Variants in PBLD observed in about 807,000 individuals in gnomAD.
PBLD encodes the protein phenazine biosynthesis-like domain-containing protein.
PBLD carries 26 observed loss-of-function variants against 31.3 expected under a neutral mutation model. The ratio of observed to expected loss-of-function variants is 0.83; its 90% CI spans 0.61 to 1.15. The LOEUF is 1.15. PBLD is among the 50% of genes most tolerant of loss of function. PBLD has a pLI of 0.00. For missense variants in PBLD, 307 were observed against 351.7 expected (o/e 0.87, Z 1.02); for synonymous variants, 114 against 129.0 (o/e 0.88, Z 0.79).
In PBLD at chr10:68,283,056, T is replaced by G. The variant is rs558511398; in HGVS notation, c.*1121A>C. ...AAAGATTGAAATTACATTCCTTTTT[T>G]TTTTTTTAATAGAGACAAGTTCTCG... On this transcript the variant is annotated 3_prime_UTR_variant, in exon 10 of 10. Transcript: ENST00000358769. 8 of 152,292 alleles carry G rather than the reference T, an allele frequency of 5.3e-5. No individual in the cohort carries two copies. In the East Asian group the frequency reaches 1.5e-3, roughly 29 times the overall value. The allele number at this position is 152,292 out of a possible 1,614,324, so 9.4% of individuals were successfully genotyped here.
intron 6 of PBLD, among the ~76,000 whole-genome samples, chr10:68,290,737 T>A (rs563540248): frequency 1.3e-5 from 2 of 152,170 alleles, no homozygotes; most frequent in Non-Finnish European, 2.9e-5. Context: ...AAAGGTTTAA[T>A]TCTTGGCTGG....
intron 9 of PBLD, among the ~76,000 whole-genome samples, chr10:68,284,868 A>G (rs932675403): frequency 2.6e-5 from 4 of 152,212 alleles, no homozygotes; most frequent in Admixed American, 2.0e-4. Flanking sequence ...CTCTCTCCAA[A>G]TCAGGGTCAC....
intron 1 of PBLD, among the ~76,000 whole-genome samples, chr10:68,314,626 C>T (rs2044712447): frequency 6.6e-6 from 1 of 151,618 alleles, no homozygotes; most frequent in South Asian, 2.1e-4. Context: ...GAGACAGAAT[C>T]TCACTCTGTC....
chr10:68,291,937 A>T (rs1403058679), intron 6 of PBLD, 73 bp downstream of exon 6: 7 of 1,435,098 alleles, frequency 4.9e-6, no homozygotes, highest in Non-Finnish European at 6.8e-6. Flanking sequence ...ATCTTTGTGG[A>T]TCAAATGATA....
At chr10:68,294,316 A>C (rs2044397534) in intron 4 of PBLD, among the ~76,000 whole-genome samples, 1 of 151,954 alleles carries the variant, frequency 6.6e-6, no homozygotes, top group Admixed American at 6.6e-5. Flanking sequence ...TCCATATTCT[A>C]TGTCTGACCC....
chr10:68,323,748 C>T lies in PBLD; in HGVS notation c.-60+9036G>A, dbSNP rs577473911. On this transcript the variant is annotated intron_variant, in intron 1 of 9. Coordinates refer to ENST00000358769, the MANE Select transcript of PBLD (RefSeq NM_022129.4). Reference sequence around the variant, plus strand: ...TTTATGTAGAATATTCAGAAGTATCCCCCACAAAAACACTGGGATAATTTG... The same window carrying T: ...TTTATGTAGAATATTCAGAAGTATCTCCCACAAAAACACTGGGATAATTTG... Among the ~76,000 whole-genome samples, 26 of 152,068 alleles carry T rather than the reference C, an allele frequency of 1.7e-4. No individual in the cohort carries two copies. The South Asian group carries it at 5.4e-3, about 32-fold the overall frequency.
Position 68,292,255 on chromosome 10 carries a change from T to C in PBLD, c.284-17A>G. On this transcript the variant is annotated splice_polypyrimidine_tract_variant and intron_variant, in intron 4 of 9. Transcript: ENST00000358769. Reference sequence around the variant, plus strand: ...TCATGTTTTCTGGCCAAAATAGGAATCAAGAAATAGGAAATAAACTTTGTC... The same window carrying C: ...TCATGTTTTCTGGCCAAAATAGGAACCAAGAAATAGGAAATAAACTTTGTC... The C allele has an allele frequency of 6.3e-7, 1 of 1,593,574 alleles. No individual in the cohort carries two copies. The highest frequency in any genetic ancestry group is 1.1e-5 in the South Asian group (1 of 90,322).
intron 7 of PBLD, 50 bp from the exon 8 acceptor site, chr10:68,288,711 C>T (rs746363202): frequency 6.3e-6 from 10 of 1,577,652 alleles, no homozygotes; most frequent in African/African-American, 4.0e-5. Flanking sequence ...ACAGCCCACT[C>T]ACCACACAGA....
intron 2 of PBLD, among the ~76,000 whole-genome samples, chr10:68,302,300 C>T (rs1266600138): frequency 2.0e-5 from 3 of 152,182 alleles, no homozygotes; most frequent in Non-Finnish European, 4.4e-5. Context: ...TTCCAGTGTA[C>T]TGCTTTGGCA....
At chr10:68,284,669 G>A (rs1456446354) in intron 9 of PBLD, among the ~76,000 whole-genome samples, 3 of 152,170 alleles carry the variant, frequency 2.0e-5, no homozygotes, top group African/African-American at 4.8e-5. Context: ...GAAGAAGGGT[G>A]GTCTCAGCCC....
rs116020547 is a variant in PBLD at position 68,284,961 on chromosome 10, A to C, written c.754+387T>G. ...TCTGCCTCTAAGCAATACATTAATCACTAGGGGACTTGGTTCCAAAGTAAT... is the reference window on the plus strand; with the variant it reads ...TCTGCCTCTAAGCAATACATTAATCCCTAGGGGACTTGGTTCCAAAGTAAT... On this transcript the variant is annotated intron_variant, in intron 9 of 9. Transcript: ENST00000358769. 1,154 of 1,003,538 alleles carry C rather than the reference A, an allele frequency of 1.1e-3. 16 individuals carry two copies. In the African/African-American group the frequency reaches 0.019, roughly 16 times the overall value. The allele number at this position is 1,003,538 out of a possible 1,614,324, so 62.2% of individuals were successfully genotyped here.
Position 68,288,466 on chromosome 10 carries a change from G to T in PBLD, c.691+17C>A. 1 of 1,610,998 alleles carries T rather than the reference G, an allele frequency of 6.2e-7. No homozygotes were observed. The highest frequency in any genetic ancestry group is 8.5e-7 in the Non-Finnish European group (1 of 1,178,814). On this transcript the variant is annotated intron_variant, in intron 8 of 9. Transcript: ENST00000358769. Reference sequence around the variant, plus strand: ...CTTCCATTGTTTAACCCTCCCCTGGGCTCAAGTAAAAAGTACCTGTCACTG... The same window carrying T: ...CTTCCATTGTTTAACCCTCCCCTGGTCTCAAGTAAAAAGTACCTGTCACTG...
chr10:68,284,537 C>T (rs1218290137), intron 9 of PBLD, among the ~76,000 whole-genome samples: 3 of 152,320 alleles, frequency 2.0e-5, no homozygotes, highest in Non-Finnish European at 4.4e-5. Context: ...CCTGGGCCAT[C>T]TCCTTCACTA....
chr10:68,296,608 C>T (rs2044431467), intron 3 of PBLD, among the ~76,000 whole-genome samples: 1 of 152,228 alleles, frequency 6.6e-6, no homozygotes, highest in South Asian at 2.1e-4. Context: ...GAATCTCCCG[C>T]TCTATCTACT....
intron 1 of PBLD, among the ~76,000 whole-genome samples, chr10:68,319,102 AG>A (rs2044789600): frequency 7.4e-6 from 1 of 135,720 alleles, no homozygotes; most frequent in African/African-American, 3.0e-5. Context: ...AAAGAAAGAA[AG>A]AAAGAAAGGA....
chr10:68,324,560 C>T (rs750024346), intron 1 of PBLD, among the ~76,000 whole-genome samples: 16 of 151,966 alleles, frequency 1.1e-4, no homozygotes, highest in Admixed American at 2.6e-4. Flanking sequence ...TGGTCCTTCT[C>T]CTAGTCTTCT....
chr10:68,302,750 C>T (rs10998059), intron 2 of PBLD, among the ~76,000 whole-genome samples: 104,547 of 151,226 alleles, frequency 0.69, 37,039 homozygotes, highest in Middle Eastern at 0.81. Context: ...TTGAGGCAGG[C>T]GGATAGCTTG....
At chr10:68,329,119 T>C (rs1025012418) in intron 1 of PBLD, among the ~76,000 whole-genome samples, 3 of 152,226 alleles carry the variant, frequency 2.0e-5, no homozygotes, top group Non-Finnish European at 4.4e-5. Context: ...CCTCACGTGA[T>C]CCACCTGCCT....
intron 1 of PBLD, among the ~76,000 whole-genome samples, chr10:68,327,507 G>A (rs1331920478): frequency 1.3e-5 from 2 of 151,672 alleles, no homozygotes; most frequent in South Asian, 2.1e-4. Context: ...GTGAAACCCC[G>A]TCTCTACTAA....
Sources: gnomAD v4.1 joint callset for allele counts (sites outside exome capture counted in the v4.1 genomes callset) on GRCh38, gnomAD v4.1.1 for gene constraint, MANE v1.5 for transcripts, NCBI Gene and HGNC (gene_info 2026-07-23, HGNC 2026-07-21) for gene names.